The following L3MBTL4 variants were observed in gnomAD, a reference collection of about 807,000 sequenced individuals.
L3MBTL4 encodes L3MBTL histone methyl-lysine binding protein 4.
Under a neutral mutation model 84.5 loss-of-function variants are expected in L3MBTL4, and 70 were observed. The observed-to-expected ratio is 0.83, with a 90% CI of 0.68 to 1.01. L3MBTL4 has a LOEUF of 1.01. L3MBTL4 is among the 50% of genes least tolerant of loss of function. The pLI is 0.00. For synonymous variants in L3MBTL4, 274 were observed against 259.8 expected (o/e 1.05, Z -0.52); for missense variants, 715 against 754.8 (o/e 0.95, Z 0.62).
At chr18:6,190,730 T>G (rs73383938) in intron 12 of L3MBTL4, among the ~76,000 whole-genome samples, 12,076 of 152,052 alleles carry the variant, frequency 0.079, 1,608 homozygotes, top group African/African-American at 0.27. Context: ...ATATTAAAAG[T>G]TGGTAAAAGC....
In L3MBTL4 at chr18:6,239,864, T is replaced by G; in HGVS notation, c.561A>C (p.Pro187=). Residue 187 remains proline (P), a synonymous_variant, in exon 9 of 19, where the codon CCA becomes CCC. Transcript: ENST00000317931. ...KLFRNRSPNG[P]MSKEFQVGMK... ...TTCCAACCTGAAATTCTTTAGACAT[T>G]GGCCCATTCTAACGCAGCACCAGCA... 4 of 1,614,118 alleles carry G rather than the reference T, an allele frequency of 2.5e-6. No homozygotes were observed. The highest frequency in any genetic ancestry group is 3.4e-6 in the Non-Finnish European group (4 of 1,180,022).
chr18:6,106,800 GTCAGGA>G (rs1438141328), intron 14 of L3MBTL4, among the ~76,000 whole-genome samples: 2 of 152,260 alleles, frequency 1.3e-5, no homozygotes, highest in African/African-American at 4.8e-5. Flanking sequence ...TTTGGTTAAA[GTCAGGA>G]TTAGGAAGCA....
chr18:6,160,071 T>TG (rs1015829285), intron 13 of L3MBTL4, among the ~76,000 whole-genome samples: 2 of 152,146 alleles, frequency 1.3e-5, no homozygotes, highest in African/African-American at 4.8e-5. Context: ...CATGCAGTCC[T>TG]GGGGGGCTGC....
At chr18:6,311,533 G>A in intron 3 of L3MBTL4, 21 bp downstream of exon 3, 1 of 1,604,142 alleles carries the variant, frequency 6.2e-7, no homozygotes, top group Non-Finnish European at 8.5e-7. Context: ...GTGAGGAAGG[G>A]TCCAGGGATG....
chr18:6,286,475 GTAA>G (rs201737991), intron 4 of L3MBTL4, among the ~76,000 whole-genome samples: 50 of 150,216 alleles, frequency 3.3e-4, no homozygotes, highest in African/African-American at 8.5e-4. Context: ...AATAATAATA[GTAA>G]TAATAATAAT....
At chr18:6,004,931 G>T (rs2054392969) in intron 16 of L3MBTL4, among the ~76,000 whole-genome samples, 1 of 144,176 alleles carries the variant, frequency 6.9e-6, no homozygotes, top group South Asian at 2.2e-4. Context: ...GGTGATGCTG[G>T]TCTCACAACA....
rs71163266 is a variant in L3MBTL4 at position 6,247,466 on chromosome 18, ATTTTTTTTTTTTTT to A, written c.220-2892_220-2879del. On this transcript the variant is annotated intron_variant, in intron 5 of 18. Coordinates refer to ENST00000317931, the MANE Select transcript of L3MBTL4 (RefSeq NM_001330559.2). ...AGAATGCAGACTTCCCCCTCCTCTG[ATTTTTTTTTTTTTT>A]TTTTTTTTTTTTTTTTTAGATGGAG... Among the ~76,000 whole-genome samples the A allele has an allele frequency of 6.4e-4, 32 of 49,636 alleles. 1 individual carries two copies. Among genetic ancestry groups the A allele is most frequent in the Admixed American group, 1.6e-3 (7 of 4,496 alleles). The allele number at this position is 49,636 out of a possible 152,430, so 32.6% of individuals were successfully genotyped here.
intron 4 of L3MBTL4, among the ~76,000 whole-genome samples, chr18:6,283,398 G>A (rs1002119626): frequency 3.9e-5 from 6 of 152,098 alleles, no homozygotes; most frequent in African/African-American, 1.4e-4. Context: ...AACCAAATGA[G>A]TTTTTAAAGG....
At chr18:6,328,743 G>T (rs1280849635) in intron 1 of L3MBTL4, among the ~76,000 whole-genome samples, 1 of 152,148 alleles carries the variant, frequency 6.6e-6, no homozygotes, top group Non-Finnish European at 1.5e-5. Context: ...ATCTGATGTG[G>T]TGACAGGCGA....
At chr18:5,985,799 C>T (rs1347214491) in intron 16 of L3MBTL4, among the ~76,000 whole-genome samples, 1 of 151,946 alleles carries the variant, frequency 6.6e-6, no homozygotes, top group African/African-American at 2.4e-5. Flanking sequence ...AAAGACAGCT[C>T]AAGTTGAGGA....
intron 10 of L3MBTL4, among the ~76,000 whole-genome samples, chr18:6,216,515 C>G (rs1342483038): frequency 6.6e-6 from 1 of 151,472 alleles, no homozygotes; most frequent in African/African-American, 2.4e-5. Context: ...TTTTTCTTTT[C>G]TAATTATATT....
intron 13 of L3MBTL4, among the ~76,000 whole-genome samples, chr18:6,143,973 G>A (rs1034280843): frequency 2.6e-5 from 4 of 152,010 alleles, no homozygotes; most frequent in Non-Finnish European, 4.4e-5. Context: ...CAAGGGTGGC[G>A]GATCACAAGG....
chr18:6,338,032 C>T (rs1392569477), intron 1 of L3MBTL4, among the ~76,000 whole-genome samples: 1 of 151,396 alleles, frequency 6.6e-6, no homozygotes, highest in Non-Finnish European at 1.5e-5. Flanking sequence ...CCAAAAAAAC[C>T]CTAAGTACTC....
chr18:6,297,749 G>C (rs1312060889), intron 4 of L3MBTL4, among the ~76,000 whole-genome samples: 1 of 152,140 alleles, frequency 6.6e-6, no homozygotes, highest in Non-Finnish European at 1.5e-5. Context: ...GATGATAATT[G>C]TTAACATCTT....
intron 13 of L3MBTL4, among the ~76,000 whole-genome samples, chr18:6,163,866 C>G (rs565830608): frequency 1.3e-5 from 2 of 152,272 alleles, no homozygotes; most frequent in East Asian, 3.9e-4. Flanking sequence ...TGTGTGTGAG[C>G]TGAAGCAGGG....
intron 1 of L3MBTL4, among the ~76,000 whole-genome samples, chr18:6,374,618 T>A (rs1364619451): frequency 1.3e-5 from 2 of 152,178 alleles, no homozygotes; most frequent in Admixed American, 1.3e-4. Flanking sequence ...TAAAGTCAAA[T>A]CACCAGAATG....
intron 16 of L3MBTL4, among the ~76,000 whole-genome samples, chr18:6,077,325 T>C (rs2057888996): frequency 6.6e-6 from 1 of 152,218 alleles, no homozygotes; most frequent in African/African-American, 2.4e-5. Flanking sequence ...TGGTTTCCTC[T>C]ACAGACTTTT....
intron 14 of L3MBTL4, among the ~76,000 whole-genome samples, chr18:6,121,283 C>T (rs2059516922): frequency 6.6e-6 from 1 of 152,202 alleles, no homozygotes; most frequent in Admixed American, 6.5e-5. Context: ...TCAGCCACTG[C>T]TATCAAGAAG....
At chr18:6,289,250 C>T (rs2049735036) in intron 4 of L3MBTL4, among the ~76,000 whole-genome samples, 1 of 152,058 alleles carries the variant, frequency 6.6e-6, no homozygotes, top group South Asian at 2.1e-4. Context: ...GAAAAATTTG[C>T]TTGTTTTTCT....
Sources: allele counts gnomAD v4.1 joint callset (sites outside exome capture counted in the v4.1 genomes callset), GRCh38; gene constraint gnomAD v4.1.1; transcripts MANE v1.5; gene names NCBI Gene and HGNC (gene_info 2026-07-23, HGNC 2026-07-21).